Variants in KLHL32 observed in about 807,000 individuals in gnomAD.
The protein encoded by KLHL32 is kelch like family member 32.
In KLHL32, 35 loss-of-function variants were observed where a neutral mutation model predicts 64.8. The observed-to-expected ratio is 0.54, with a 90% CI of 0.41 to 0.72. The LOEUF is 0.72. Ranked by LOEUF, KLHL32 falls within the 30% of genes least tolerant of loss-of-function variation. The pLI is 0.00. For missense variants in KLHL32, 589 were observed against 768.5 expected (o/e 0.77, Z 2.76); for synonymous variants, 259 against 281.0 (o/e 0.92, Z 0.78).
Position 97,064,666 on chromosome 6 carries a change from A to T in KLHL32, c.351A>T (p.Ala117=). ...CAGGTGTGATCCAGGATGTGCTAGC[A>T]GCGGGCAGTCACCTACAGCTGTTGG... ...LEPGVIQDVL[A]AGSHLQLLEL... The change falls in exon 5 of 11, where the codon GCA becomes GCT. Residue 117 remains alanine, a synonymous_variant. Transcript: ENST00000369261. 1 of 1,614,180 alleles carries T rather than the reference A, an allele frequency of 6.2e-7. No individual in the cohort carries two copies. The highest frequency in any genetic ancestry group is 1.7e-5 in the Admixed American group (1 of 60,032).
chr6:97,060,688 G>A (rs1375209475), intron 4 of KLHL32, among the ~76,000 whole-genome samples: 1 of 152,136 alleles, frequency 6.6e-6, no homozygotes, highest in Admixed American at 6.5e-5. Flanking sequence ...TTGGATTGGT[G>A]ACCAGAGGAC....
At chr6:97,022,924 A>G (rs1396024261) in intron 3 of KLHL32, among the ~76,000 whole-genome samples, 3 of 152,238 alleles carry the variant, frequency 2.0e-5, no homozygotes, top group Non-Finnish European at 4.4e-5. Flanking sequence ...CAATCATGGC[A>G]TAAGGCGAAG....
In KLHL32 at chr6:96,956,561, C is replaced by T. The variant is rs1020550475; in HGVS notation, c.-65-10435C>T. ...CCTTTCTCTCCATCCTTTAGTGCTCCCCTACTTGGTCTTTACTCAGTATTC... is the reference window on the plus strand; with the variant it reads ...CCTTTCTCTCCATCCTTTAGTGCTCTCCTACTTGGTCTTTACTCAGTATTC... On this transcript the variant is annotated intron_variant, in intron 1 of 10. Transcript: ENST00000369261. Among the ~76,000 whole-genome samples, 9 of 152,286 alleles carry T rather than the reference C, an allele frequency of 5.9e-5. No individual in the cohort carries two copies. In the East Asian group the frequency reaches 1.7e-3, roughly 29 times the overall value.
intron 5 of KLHL32, among the ~76,000 whole-genome samples, chr6:97,072,151 T>C (rs1431906792): frequency 6.6e-6 from 1 of 152,080 alleles, no homozygotes; most frequent in Non-Finnish European, 1.5e-5. Context: ...GAATCTCCCA[T>C]CTCCTTGAGC....
the KLHL32 span, among the ~76,000 whole-genome samples, chr6:96,915,963 G>A: frequency 1.3e-5 from 2 of 152,140 alleles, no homozygotes; most frequent in Non-Finnish European, 2.9e-5. Context: ...ATTATCATTA[G>A]CGACAGAAAG....
At chr6:97,018,340 A>G (rs1582727118) in intron 3 of KLHL32, among the ~76,000 whole-genome samples, 3 of 152,210 alleles carry the variant, frequency 2.0e-5, no homozygotes, top group East Asian at 3.9e-4. Flanking sequence ...CAATTTGGCC[A>G]GGCACGGACA....
intron 5 of KLHL32, among the ~76,000 whole-genome samples, chr6:97,073,588 T>C (rs1394188316): frequency 6.6e-6 from 1 of 152,188 alleles, no homozygotes. Flanking sequence ...TTCTAGTGCA[T>C]GGTGGTACTT....
intron 5 of KLHL32, among the ~76,000 whole-genome samples, chr6:97,069,946 A>C (rs555983848): frequency 1.3e-5 from 2 of 152,080 alleles, no homozygotes; most frequent in East Asian, 3.9e-4. Flanking sequence ...TATTATTATA[A>C]TTTTAATTAT....
chr6:96,932,134 C>G (rs983640509), intron 1 of KLHL32, among the ~76,000 whole-genome samples: 1 of 150,576 alleles, frequency 6.6e-6, no homozygotes, highest in African/African-American at 2.4e-5. Context: ...ATCAGATGCC[C>G]CTTTGGCTGC....
chr6:97,053,078 A>T (rs1787200433), intron 4 of KLHL32, among the ~76,000 whole-genome samples: 1 of 150,248 alleles, frequency 6.7e-6, no homozygotes, highest in Non-Finnish European at 1.5e-5. Flanking sequence ...AGTTATGAGG[A>T]TGGATACACA....
chr6:97,137,760 T>C (rs1800200440), intron 10 of KLHL32, among the ~76,000 whole-genome samples: 1 of 152,120 alleles, frequency 6.6e-6, no homozygotes, highest in Admixed American at 6.5e-5. Context: ...GGTCTCGATC[T>C]CCTGGGCTCG....
intron 1 of KLHL32, among the ~76,000 whole-genome samples, chr6:96,945,874 G>A (rs34190912): frequency 1.4e-4 from 21 of 152,130 alleles, no homozygotes; most frequent in Non-Finnish European, 2.5e-4. Flanking sequence ...ATGAGAATGT[G>A]GAGGCTGACA....
chr6:96,986,265 G>T (rs1460261574), intron 3 of KLHL32, among the ~76,000 whole-genome samples: 1 of 152,162 alleles, frequency 6.6e-6, no homozygotes, highest in Admixed American at 6.5e-5. Context: ...GGCCGTGTGA[G>T]GTGTCAGTCT....
At chr6:96,997,289 C>G (rs1778513917) in intron 3 of KLHL32, among the ~76,000 whole-genome samples, 1 of 152,106 alleles carries the variant, frequency 6.6e-6, no homozygotes, top group African/African-American at 2.4e-5. Context: ...CCACATAGAC[C>G]ATCTTCATTC....
At chr6:97,035,058 C>T (rs1784087812) in intron 3 of KLHL32, among the ~76,000 whole-genome samples, 1 of 152,048 alleles carries the variant, frequency 6.6e-6, no homozygotes, top group Non-Finnish European at 1.5e-5. Flanking sequence ...CTCGTCTTCT[C>T]TTGCCATCTT....
chr6:97,022,043 C>G (rs759809465), intron 3 of KLHL32, among the ~76,000 whole-genome samples: 1 of 150,854 alleles, frequency 6.6e-6, no homozygotes, highest in Non-Finnish European at 1.5e-5. Context: ...TTATGTTTTG[C>G]CTGGAGTTTT....
intron 3 of KLHL32, among the ~76,000 whole-genome samples, chr6:97,037,254 A>G (rs1784433891): frequency 6.6e-6 from 1 of 152,130 alleles, no homozygotes; most frequent in African/African-American, 2.4e-5. Flanking sequence ...TAAGCTCTCA[A>G]AAATAATCCT....
At chr6:97,100,812 T>C (rs934245335) in intron 6 of KLHL32, among the ~76,000 whole-genome samples, 2 of 147,450 alleles carry the variant, frequency 1.4e-5, no homozygotes, top group African/African-American at 5.0e-5. Context: ...TTTTTTTTTT[T>C]TTTTTTTTTG....
In KLHL32 at chr6:96,989,069, C is replaced by T. The variant is rs141093159; in HGVS notation, c.204+12892C>T. On this transcript the variant is annotated intron_variant, in intron 3 of 10. Transcript: ENST00000369261. ...TGTATACATATGTAACAAACCTGCA[C>T]GTTGTGCACATGTACCCTAAAATTT... 9.0e-3 allele frequency among the ~76,000 whole-genome samples: 1,372 copies of T among 152,178 alleles called. 8 individuals carry two copies. The highest frequency in any genetic ancestry group is 0.015 in the Non-Finnish European group (1,000 of 68,010).
Sources: allele counts gnomAD v4.1 joint callset (sites outside exome capture counted in the v4.1 genomes callset), GRCh38; gene constraint gnomAD v4.1.1; transcripts MANE v1.5; gene names NCBI Gene and HGNC (gene_info 2026-07-23, HGNC 2026-07-21).